The following PACSIN2 variants were observed in gnomAD, a reference collection of about 807,000 sequenced individuals.
PACSIN2 encodes the protein protein kinase C and casein kinase substrate in neurons 2, also known as protein kinase C and casein kinase substrate in neurons protein 2.
PACSIN2 carries 25 observed loss-of-function variants against 63.8 expected under a neutral mutation model. That is an observed-to-expected ratio of 0.39 (90% CI 0.29 to 0.55). PACSIN2 has a LOEUF of 0.55. PACSIN2 is among the 20% of genes least tolerant of loss of function. The pLI is 0.62. For synonymous variants in PACSIN2, 255 were observed against 256.2 expected, an observed-to-expected ratio of 1.00 and a Z score of 0.05; for missense variants, 518 against 646.9, an observed-to-expected ratio of 0.80 and a Z score of 2.16.
Position 42,888,715 on chromosome 22 carries a change from G to T in PACSIN2, c.537C>A (p.Asp179Glu), listed in dbSNP as rs1929672459. Residue 179 changes from aspartate (D) to glutamate (E), a missense_variant, in exon 5 of 11, where the codon GAC becomes GAA. By Grantham distance (45) the Asp-to-Glu change is conservative. Coordinates refer to ENST00000263246, the MANE Select transcript of PACSIN2 (RefSeq NM_001184970.3). ...AISREANSKA[D>E]PSLNPEQLKK... ...TGAGCTGTTCAGGGTTGAGGGATGG[G>T]TCTGCCTTGCTGTTGGCTTCTCGTG... 3 of 1,614,166 alleles carry T rather than the reference G, an allele frequency of 1.9e-6. No homozygotes were observed. The highest frequency in any genetic ancestry group is 2.5e-6 in the Non-Finnish European group (3 of 1,179,994).
chr22:42,935,904 T>C (rs1021970187), intron 1 of PACSIN2, among the ~76,000 whole-genome samples: 1 of 152,128 alleles, frequency 6.6e-6, no homozygotes, highest in Non-Finnish European at 1.5e-5. Context: ...TATCACTTCA[T>C]TCTTCCTGTT....
chr22:42,997,979 A>T (rs5751410), intron 1 of PACSIN2, among the ~76,000 whole-genome samples: 92,534 of 152,074 alleles, frequency 0.61, 28,737 homozygotes, highest in East Asian at 0.78. Flanking sequence ...GCAAGGCAGT[A>T]AAATTACAGA....
intron 2 of PACSIN2, among the ~76,000 whole-genome samples, chr22:42,907,728 C>T (rs1479403550): frequency 6.6e-6 from 1 of 152,286 alleles, no homozygotes; most frequent in Non-Finnish European, 1.5e-5. Context: ...CCTAACTGCT[C>T]TCCATACAAC....
chr22:43,002,330 A>C (rs1923822382), intron 1 of PACSIN2: 1 of 152,228 alleles, frequency 6.6e-6, no homozygotes. Context: ...GAGCTGATGC[A>C]GGAATGTGGC....
At chr22:43,009,349 T>A (rs1924301228) in intron 1 of PACSIN2, among the ~76,000 whole-genome samples, 1 of 152,254 alleles carries the variant, frequency 6.6e-6, no homozygotes, top group Non-Finnish European at 1.5e-5. Flanking sequence ...TGCTTTGGAA[T>A]GTGCATCTTC....
intron 2 of PACSIN2, among the ~76,000 whole-genome samples, chr22:42,897,989 A>G (rs1930405592): frequency 6.6e-6 from 1 of 151,708 alleles, no homozygotes; most frequent in East Asian, 1.9e-4. Flanking sequence ...TGGGAAGGCT[A>G]GGCCTGCATC....
intron 1 of PACSIN2, among the ~76,000 whole-genome samples, chr22:42,962,118 C>T (rs774589444): frequency 6.6e-6 from 1 of 151,988 alleles, no homozygotes; most frequent in Non-Finnish European, 1.5e-5. Context: ...GGTGAAACCC[C>T]GTCTGTACTA....
chr22:42,949,437 CG>C lies in PACSIN2; in HGVS notation c.-77-37281del, dbSNP rs1933579184. Among the ~76,000 whole-genome samples, 5 of 151,412 alleles carry C rather than the reference CG, an allele frequency of 3.3e-5. No individual in the cohort carries two copies. In the South Asian group the frequency reaches 1.0e-3, roughly 31 times the overall value. On this transcript the variant is annotated intron_variant, in intron 1 of 10. Coordinates refer to ENST00000263246, the MANE Select transcript of PACSIN2 (RefSeq NM_001184970.3). ...AGAAACACAAAACAAAGACCTTCAA[CG>C]TTAAGCCTCATACACACACGCGCGC...
intron 1 of PACSIN2, among the ~76,000 whole-genome samples, chr22:42,968,735 G>A (rs976572713): frequency 1.3e-5 from 2 of 152,182 alleles, no homozygotes; most frequent in Non-Finnish European, 2.9e-5. Flanking sequence ...AACAGGAAAA[G>A]GGCAAATGTG....
chr22:42,926,959 G>T (rs911434704), intron 1 of PACSIN2, among the ~76,000 whole-genome samples: 2 of 152,122 alleles, frequency 1.3e-5, no homozygotes, highest in Non-Finnish European at 2.9e-5. Context: ...TGAAGCTCAC[G>T]ATTCCTGTTC....
intron 1 of PACSIN2, among the ~76,000 whole-genome samples, chr22:42,942,737 T>C (rs1933227548): frequency 6.6e-6 from 1 of 152,220 alleles, no homozygotes; most frequent in Non-Finnish European, 1.5e-5. Context: ...GGGTTTAGTT[T>C]TGTTTTCTTG....
chr22:43,004,872 C>G (rs1923991991), intron 1 of PACSIN2, among the ~76,000 whole-genome samples: 1 of 152,170 alleles, frequency 6.6e-6, no homozygotes, highest in Non-Finnish European at 1.5e-5. Context: ...TCAGGCAAAA[C>G]CACTCACCCC....
chr22:42,879,290 A>T, intron 7 of PACSIN2, 121 bp from the exon 8 acceptor site: 3 of 1,061,406 alleles, frequency 2.8e-6, no homozygotes, highest in Non-Finnish European at 2.7e-6. Flanking sequence ...GTGTAGACTC[A>T]GGGCCCCAGC....
intron 1 of PACSIN2, among the ~76,000 whole-genome samples, chr22:42,948,052 T>G (rs1238055549): frequency 6.6e-6 from 1 of 152,140 alleles, no homozygotes; most frequent in Non-Finnish European, 1.5e-5. Context: ...CCAGAAAGGG[T>G]GCCCAGGGCT....
intron 1 of PACSIN2, among the ~76,000 whole-genome samples, chr22:42,965,042 A>C (rs1246473070): frequency 6.6e-6 from 1 of 152,232 alleles, no homozygotes; most frequent in Non-Finnish European, 1.5e-5. Flanking sequence ...ATCTCTATAG[A>C]GGACATCAAA....
chr22:42,982,099 C>A (rs541332777), intron 1 of PACSIN2, among the ~76,000 whole-genome samples: 33 of 125,912 alleles, frequency 2.6e-4, no homozygotes, highest in South Asian at 2.5e-3. Context: ...CTCTGCCCGG[C>A]CAGCCGCCCC....
At chr22:42,974,784 G>GAA (rs1921574574) in intron 1 of PACSIN2, among the ~76,000 whole-genome samples, 1 of 140,360 alleles carries the variant, frequency 7.1e-6, no homozygotes, top group Non-Finnish European at 1.5e-5. Flanking sequence ...AAGAGAAGAA[G>GAA]GAGGAGGAGG....
In PACSIN2 at chr22:42,983,605, A is replaced by C. The variant is rs117016593; in HGVS notation, c.-78+31416T>G. 2.1e-3 allele frequency among the ~76,000 whole-genome samples: 316 copies of C among 152,328 alleles called. 12 individuals carry two copies. The East Asian group carries it at 0.054, about 26-fold the overall frequency. On this transcript the variant is annotated intron_variant, in intron 1 of 10. Coordinates refer to ENST00000263246, the MANE Select transcript of PACSIN2 (RefSeq NM_001184970.3). ...CTGAAAGTAAAAGAAAAGGACAATA[A>C]AAGATTGACATATGAGAATATATCA...
At chr22:42,969,586 T>A (rs923402077) in intron 1 of PACSIN2, among the ~76,000 whole-genome samples, 6 of 152,084 alleles carry the variant, frequency 3.9e-5, no homozygotes, top group African/African-American at 1.4e-4. Flanking sequence ...CAATATGGGA[T>A]TGATTATCGC....
Sources: allele counts gnomAD v4.1 joint callset (sites outside exome capture counted in the v4.1 genomes callset), GRCh38; gene constraint gnomAD v4.1.1; transcripts MANE v1.5; gene names NCBI Gene and HGNC (gene_info 2026-07-23, HGNC 2026-07-21).